Variants in DDX23 observed in about 807,000 individuals in gnomAD.
DDX23 encodes the protein probable ATP-dependent RNA helicase DDX23.
A neutral mutation model predicts 102.7 loss-of-function variants in DDX23; 33 were observed. The observed-to-expected ratio is 0.32, with a 90% CI of 0.24 to 0.43. DDX23 has a LOEUF of 0.43. Ranked by LOEUF, DDX23 falls within the 20% of genes least tolerant of loss-of-function variation. DDX23 has a pLI of 1.00. For synonymous variants in DDX23, 352 were observed against 376.0 expected (o/e 0.94, Z 0.74); for missense variants, 549 against 1,086.6 (o/e 0.51, Z 6.96).
intron 13 of DDX23, 60 bp downstream of exon 13, chr12:48,833,217 T>C: frequency 6.2e-7 from 1 of 1,601,478 alleles, no homozygotes; most frequent in African/African-American, 1.3e-5. Context: ...ACTCCTGAGC[T>C]CAAGTGATCC....
At chr12:48,840,928 T>C (rs565917164) in intron 3 of DDX23, among the ~76,000 whole-genome samples, 1 of 152,212 alleles carries the variant, frequency 6.6e-6, no homozygotes, top group African/African-American at 2.4e-5. Context: ...CTGCTATCTA[T>C]ATTCCCTCAT....
chr12:48,830,753 T>C lies in DDX23; in HGVS notation c.2240-61A>G. 6.7e-7 allele frequency: 1 copy of C among 1,492,542 alleles called. No individual in the cohort carries two copies. Among genetic ancestry groups the C allele is most frequent in the South Asian group, 1.3e-5 (1 of 77,534 alleles). 92.5% of individuals were successfully genotyped at this position (1,492,542 alleles called of 1,614,324 possible). On this transcript the variant is annotated intron_variant, in intron 16 of 16. Transcript: ENST00000308025. This position sits in a 1 kb window ranked among gnomAD's most constrained non-coding sequence, Gnocchi z 4.9. ...AGATGCCCTGGGGAGCCGTGTCTGA[T>C]GCCTCCACTTCTAGAGGCATCCTTC...
intron 2 of DDX23, among the ~76,000 whole-genome samples, chr12:48,844,466 AC>A (rs1413926013): frequency 1.3e-5 from 2 of 151,916 alleles, no homozygotes; most frequent in African/African-American, 4.8e-5. Flanking sequence ...TTTAGTAGAG[AC>A]GGGGTTTTGC....
intron 11 of DDX23, 125 bp downstream of exon 11, chr12:48,835,996 A>G: frequency 8.8e-7 from 1 of 1,133,640 alleles, no homozygotes; most frequent in Non-Finnish European, 1.3e-6. Flanking sequence ...ATTCCCTAAT[A>G]TCCAACAAAG....
intron 1 of DDX23, among the ~76,000 whole-genome samples, chr12:48,849,418 C>T (rs1938722312): frequency 6.6e-6 from 1 of 152,094 alleles, no homozygotes. Context: ...AATCCCAGCA[C>T]TTTGGGAGGC....
intron 3 of DDX23, among the ~76,000 whole-genome samples, chr12:48,842,209 G>T (rs543731073): frequency 6.7e-6 from 1 of 149,402 alleles, no homozygotes; most frequent in Non-Finnish European, 1.5e-5. Flanking sequence ...CAGCCGCCCC[G>T]TCCAGGAGGG....
intron 11 of DDX23, 93 bp from the exon 12 acceptor site, chr12:48,834,590 A>C: frequency 8.4e-7 from 1 of 1,189,130 alleles, no homozygotes; most frequent in Non-Finnish European, 1.2e-6. Flanking sequence ...ACGGGGAGCA[A>C]TGGGAATGGG....
In DDX23 at chr12:48,830,274, C is replaced by T. The variant is rs193264880; in HGVS notation, c.*195G>A. The T allele has an allele frequency of 2.6e-4, 189 of 730,044 alleles. No individual in the cohort carries two copies. Among genetic ancestry groups the T allele is most frequent in the Admixed American group, 2.0e-3 (98 of 49,462 alleles). 45.2% of individuals were successfully genotyped at this position (730,044 alleles called of 1,614,324 possible). A position where few individuals can be genotyped will look rare whatever the true frequency, so the allele number is the denominator to read the frequency against. ...TGTGGTAATTTGCTCTCCCTGCCTCCGACAGCGTCGTCCTCTCCTTTTGCA... is the reference window on the plus strand; with the variant it reads ...TGTGGTAATTTGCTCTCCCTGCCTCTGACAGCGTCGTCCTCTCCTTTTGCA... On this transcript the variant is annotated 3_prime_UTR_variant, in exon 17 of 17. Transcript: ENST00000308025. This position sits in a 1 kb window ranked among gnomAD's most constrained non-coding sequence, Gnocchi z 4.9.
rs745628706 is a variant in DDX23, at chr12:48,845,646, C to T, written c.137G>A (p.Arg46Gln). ...TCGACGTCTATCCCTTGAACGATGC[C>T]GCTTTCTATCTTTAGATGGGGAAGA... ...RKSSPSKDRK[R>Q]HRSRDRRRGG... Residue 46 changes from arginine (R) to glutamine (Q), a missense_variant, in exon 2 of 17, where the codon CGG (arginine) becomes CAG (glutamine). Arg to Gln is a conservative substitution (Grantham distance 43, BLOSUM62 1). Transcript: ENST00000308025. 6 of 1,614,220 alleles carry T rather than the reference C, an allele frequency of 3.7e-6. No homozygotes were observed. The South Asian group carries it at 5.5e-5, about 15-fold the overall frequency.
At position 48,840,078 on chromosome 12, in the gene DDX23, T is replaced by C; in HGVS notation, c.349A>G (p.Lys117Glu). Reference protein sequence around the residue: ...SLSPGRGKDFKSRKDRDSKKD... With the variant: ...SLSPGRGKDFESRKDRDSKKD... ...TTAGAGTCTCTGTCCTTCCGAGATT[T>C]AAAGTCTTTTCCTCGACCAGGAGAT... is the stretch of plus-strand genomic sequence containing the variant. The change falls in exon 4 of 17, where the codon AAA becomes GAA. Residue 117 changes from lysine (K) to glutamate (E), a missense_variant. Around this residue, in one of 4 missense-constraint regions of DDX23, gnomAD observed 241 missense variants for 267.0 expected, o/e 0.90. Coordinates refer to ENST00000308025, the MANE Select transcript of DDX23 (RefSeq NM_004818.3). 1 of 1,614,180 alleles carries C rather than the reference T, an allele frequency of 6.2e-7. No homozygotes were observed. Among genetic ancestry groups the C allele is most frequent in the Non-Finnish European group, 8.5e-7 (1 of 1,179,982 alleles).
At chr12:48,831,392 C>A (rs900576695) in intron 15 of DDX23, 76 bp from the exon 16 acceptor site, 121 of 1,418,998 alleles carry the variant, frequency 8.5e-5, no homozygotes, top group Non-Finnish European at 2.2e-5. Flanking sequence ...GAATGGGACA[C>A]AGATGAAGGG....
chr12:48,845,585 T>C lies in DDX23; in HGVS notation c.198A>G (p.Lys66=). 1 of 1,614,254 alleles carries C rather than the reference T, an allele frequency of 6.2e-7. No homozygotes were observed. Among genetic ancestry groups the C allele is most frequent in the Non-Finnish European group, 8.5e-7 (1 of 1,180,052 alleles). Residue 66 remains lysine, a synonymous_variant, in exon 2 of 17, where the codon AAA becomes AAG. Coordinates refer to ENST00000308025, the MANE Select transcript of DDX23 (RefSeq NM_004818.3). ...CAAAGTTACTTTACCTTTCTGCAGA[T>C]TTGGAACGGGAACGAGAGCGAGAAC... ...GSRSRSRSRS[K]SAERERRHKE...
chr12:48,830,382 G>C lies in DDX23; in HGVS notation c.*87C>G. 1 of 1,455,914 alleles carries C rather than the reference G, an allele frequency of 6.9e-7. No individual in the cohort carries two copies. Among genetic ancestry groups the C allele is most frequent in the Non-Finnish European group, 9.6e-7 (1 of 1,044,796 alleles). The allele number at this position is 1,455,914 out of a possible 1,614,324, so 90.2% of individuals were successfully genotyped here. A position where few individuals can be genotyped will look rare whatever the true frequency, so the allele number is the denominator to read the frequency against. ...CTAAGCCCCCATATCCCAAGAGTGAGGACCTGGAAAGAGGGATGTGAGGGT... is the reference window on the plus strand; with the variant it reads ...CTAAGCCCCCATATCCCAAGAGTGACGACCTGGAAAGAGGGATGTGAGGGT... On this transcript the variant is annotated 3_prime_UTR_variant, in exon 17 of 17. Transcript: ENST00000308025. This position sits in a 1 kb window ranked among gnomAD's most constrained non-coding sequence, Gnocchi z 4.9.
Position 48,839,835 on chromosome 12 carries a change from A to G in DDX23, c.480+9T>C. Reference sequence around the variant, plus strand: ...CTGAGCCGATGAATGAAGACCCTCAAGTACTTACCTTAGCCTCAGCTTCTT... The same window carrying G: ...CTGAGCCGATGAATGAAGACCCTCAGGTACTTACCTTAGCCTCAGCTTCTT... On this transcript the variant is annotated intron_variant, in intron 5 of 16. Coordinates refer to ENST00000308025, the MANE Select transcript of DDX23 (RefSeq NM_004818.3). 4 of 1,614,068 alleles carry G rather than the reference A, an allele frequency of 2.5e-6. No individual in the cohort carries two copies. The highest frequency in any genetic ancestry group is 3.4e-6 in the Non-Finnish European group (4 of 1,179,966).
At chr12:48,842,245 G>A (rs1169488579) in intron 3 of DDX23, among the ~76,000 whole-genome samples, 2 of 149,126 alleles carry the variant, frequency 1.3e-5, no homozygotes, top group Admixed American at 1.3e-4. Context: ...CCCCCCACCC[G>A]GCCAGCCGCC....
intron 12 of DDX23, among the ~76,000 whole-genome samples, chr12:48,833,861 G>GA (rs1399298729): frequency 1.3e-5 from 2 of 152,132 alleles, no homozygotes; most frequent in East Asian, 3.9e-4. Flanking sequence ...GTTGTATAAA[G>GA]ACTAAATTTT....
chr12:48,836,365 A>C lies in DDX23; in HGVS notation c.1237-99T>G, dbSNP rs1008082739. On this transcript the variant is annotated intron_variant, in intron 10 of 16. Coordinates refer to ENST00000308025, the MANE Select transcript of DDX23 (RefSeq NM_004818.3). The surrounding 1 kb of genome is among the most constrained non-coding windows in gnomAD (Gnocchi z 6.1). ...GCACATCTGCTAGCACAATGGAAGGATGCCAAGTACAGTTCACAGAAATAG... is the reference window on the plus strand; with the variant it reads ...GCACATCTGCTAGCACAATGGAAGGCTGCCAAGTACAGTTCACAGAAATAG... 3.5e-6 allele frequency: 5 copies of C among 1,439,904 alleles called. No individual in the cohort carries two copies. The East Asian group carries it at 9.1e-5, about 26-fold the overall frequency. 89.2% of individuals were successfully genotyped at this position (1,439,904 alleles called of 1,614,324 possible).
In DDX23 at chr12:48,830,765, T is replaced by C. The variant is rs1592198713; in HGVS notation, c.2240-73A>G. 6 of 1,437,190 alleles carry C rather than the reference T, an allele frequency of 4.2e-6. No individual in the cohort carries two copies. The East Asian group carries it at 1.4e-4, about 33-fold the overall frequency. 89.0% of individuals were successfully genotyped at this position (1,437,190 alleles called of 1,614,324 possible). On this transcript the variant is annotated intron_variant, in intron 16 of 16. Transcript: ENST00000308025. The surrounding 1 kb of genome is among the most constrained non-coding windows in gnomAD (Gnocchi z 4.9). ...GAGCCGTGTCTGATGCCTCCACTTC[T>C]AGAGGCATCCTTCCCACCCCATCTC...
At chr12:48,842,880 G>A (rs965858843) in intron 3 of DDX23, among the ~76,000 whole-genome samples, 7 of 152,064 alleles carry the variant, frequency 4.6e-5, no homozygotes, top group Non-Finnish European at 1.0e-4. Context: ...GGAAAAGATT[G>A]AGAAATCGGA....
Sources: allele counts gnomAD v4.1 joint callset (sites outside exome capture counted in the v4.1 genomes callset), GRCh38; gene constraint gnomAD v4.1.1; regional missense constraint gnomAD v4.1.1; non-coding constraint Gnocchi (gnomAD v3.1); transcripts MANE v1.5; gene names NCBI Gene and HGNC (gene_info 2026-07-23, HGNC 2026-07-21).